The following SLC4A1 variants were observed in gnomAD, a reference collection of about 807,000 sequenced individuals.
SLC4A1 encodes solute carrier family 4 member 1 (Diego blood group), also known as band 3 anion transport protein.
A neutral mutation model predicts 93.1 loss-of-function variants in SLC4A1; 29 were observed. The ratio of observed to expected loss-of-function variants is 0.31; its 90% CI spans 0.23 to 0.42. The LOEUF is 0.42. Among genes scored for constraint, SLC4A1 ranks in the 20% least tolerant of loss-of-function variants. SLC4A1 has a pLI of 1.00. For missense variants in SLC4A1, 965 were observed against 1,190.1 expected (o/e 0.81, Z 2.78); for synonymous variants, 469 against 497.2 (o/e 0.94, Z 0.76).
intron 3 of SLC4A1, chr17:44,261,955 T>C: frequency 8.2e-7 from 1 of 1,217,302 alleles, no homozygotes; most frequent in Non-Finnish European, 1.1e-6. Flanking sequence ...TGAGTGGCAA[T>C]TTTCAGGATC....
At chr17:44,254,466 CCCAGG>C in intron 16 of SLC4A1, 25 bp downstream of exon 16, 27 of 916,368 alleles carry the variant, frequency 2.9e-5, no homozygotes, top group Non-Finnish European at 3.8e-5. Context: ...CTCCCACCCT[CCCAGG>C]CCCAGCCCCC....
chr17:44,254,447 G>C, intron 16 of SLC4A1, 49 bp downstream of exon 16: 2 of 1,550,966 alleles, frequency 1.3e-6, no homozygotes, highest in South Asian at 2.3e-5. Context: ...GCCAGGGAAA[G>C]GTCCCTGCCT....
intron 15 of SLC4A1, 84 bp from the exon 16 acceptor site, chr17:44,254,746 T>A: frequency 7.3e-7 from 1 of 1,360,844 alleles, no homozygotes; most frequent in Non-Finnish European, 1.0e-6. Flanking sequence ...GTCCTAGGGG[T>A]CGGGCAGTTA....
Position 44,257,656 on chromosome 17 carries a change from T to C in SLC4A1, c.1431+3A>G. On this transcript the variant is annotated splice_donor_region_variant and intron_variant, in intron 12 of 19. Transcript: ENST00000262418. ...AGGGTCAGTGGGGCAAGGACAGAAC[T>C]ACCGAGAAGAAGGCTTCCTCAAACA... 5 of 1,613,510 alleles carry C rather than the reference T, an allele frequency of 3.1e-6. No individual in the cohort carries two copies. The highest frequency in any genetic ancestry group is 4.2e-6 in the Non-Finnish European group (5 of 1,179,882).
rs376589349 is a variant in SLC4A1 at position 44,260,823 on chromosome 17, C to G, written c.169-8G>C. The stretch of plus-strand genomic sequence containing the variant: ...CTGCAGCTCCACATAGACCTGTGGC[C>G]CCATGCGCCTGAGTTAGTTCATCAG... On this transcript the variant is annotated splice_region_variant and splice_polypyrimidine_tract_variant and intron_variant, in intron 4 of 19. Transcript: ENST00000262418. 30 of 1,610,248 alleles carry G rather than the reference C, an allele frequency of 1.9e-5. No individual in the cohort carries two copies. Among genetic ancestry groups the G allele is most frequent in the Non-Finnish European group, 2.5e-5 (29 of 1,180,004 alleles).
In SLC4A1 at chr17:44,258,170, C is replaced by G. The variant is rs1301870721; in HGVS notation, c.1098G>C (p.Gly366=). 6.2e-7 allele frequency: 1 copy of G among 1,613,898 alleles called. No homozygotes were observed. Among genetic ancestry groups the G allele is most frequent in the Admixed American group, 1.7e-5 (1 of 60,000 alleles). Residue 366 remains glycine, a synonymous_variant, in exon 11 of 20, where the codon GGG becomes GGC. Coordinates refer to ENST00000262418, the MANE Select transcript of SLC4A1 (RefSeq NM_000342.4). The surrounding 1 kb of genome is among the most constrained non-coding windows in gnomAD (Gnocchi z 6.1). ...SSFYKGLDLN[G]GPDDPLQQTG... ...TCTGCTGCAGAGGGTCATCTGGGCC[C>G]CCATTTAAGTCTGTGGTGGAGGATA...
rs112819888 is a variant in SLC4A1 at position 44,254,176 on chromosome 17, A to G, written c.2057+320T>C. Among the ~76,000 whole-genome samples, 4 of 151,876 alleles carry G rather than the reference A, an allele frequency of 2.6e-5. 1 individual carries two copies. Among genetic ancestry groups the G allele is most frequent in the African/African-American group, 9.7e-5 (4 of 41,394 alleles). ...TTTTTAGTAGAAACAGGGCTTCACC[A>G]TGTTAGCCAAGCTGGTCTCGAACTC... On this transcript the variant is annotated intron_variant, in intron 16 of 19. Transcript: ENST00000262418.
At position 44,255,315 on chromosome 17, in the gene SLC4A1, A is replaced by G. The variant is rs1413344160; in HGVS notation, c.1801-19T>C. 2 of 1,543,542 alleles carry G rather than the reference A, an allele frequency of 1.3e-6. No individual in the cohort carries two copies. Among genetic ancestry groups the G allele is most frequent in the Admixed American group, 3.9e-5 (2 of 50,958 alleles). On this transcript the variant is annotated intron_variant, in intron 14 of 19. Coordinates refer to ENST00000262418, the MANE Select transcript of SLC4A1 (RefSeq NM_000342.4). ...GACGCAGCTGGGGGCAGGTGAAAGGACCAGTGGTCAGTGCCCAGTCACTCC... is the reference window on the plus strand; with the variant it reads ...GACGCAGCTGGGGGCAGGTGAAAGGGCCAGTGGTCAGTGCCCAGTCACTCC...
intron 16 of SLC4A1, among the ~76,000 whole-genome samples, 186 bp from the exon 17 acceptor site, chr17:44,253,557 T>C (rs2047361998): frequency 1.3e-5 from 2 of 149,278 alleles, no homozygotes; most frequent in Admixed American, 1.3e-4. Flanking sequence ...CAGAAATGTC[T>C]TCACAACATT....
chr17:44,262,578 C>T lies in SLC4A1; in HGVS notation c.106+58G>A, dbSNP rs56016920. On this transcript the variant is annotated intron_variant, in intron 3 of 19. Coordinates refer to ENST00000262418, the MANE Select transcript of SLC4A1 (RefSeq NM_000342.4). ...AGAAGGGGAGAGGACAAGTGCCCCTCCTGTCCCTGTCTAGGGCTCAGCAGC... is the reference window on the plus strand; with the variant it reads ...AGAAGGGGAGAGGACAAGTGCCCCTTCTGTCCCTGTCTAGGGCTCAGCAGC... The T allele has an allele frequency of 5.3e-6, 7 of 1,331,146 alleles. No homozygotes were observed. The African/African-American group carries it at 7.3e-5, about 14-fold the overall frequency. 82.5% of individuals were successfully genotyped at this position (1,331,146 alleles called of 1,614,324 possible).
At chr17:44,262,530 G>T in intron 3 of SLC4A1, 106 bp downstream of exon 3, 1 of 800,478 alleles carries the variant, frequency 1.2e-6, no homozygotes, top group Non-Finnish European at 2.1e-6. Context: ...AACGGCCCGT[G>T]GTGCTTGGGA....
chr17:44,266,244 T>C (rs2047495256), intron 1 of SLC4A1, among the ~76,000 whole-genome samples: 1 of 152,154 alleles, frequency 6.6e-6, no homozygotes, highest in Non-Finnish European at 1.5e-5. Context: ...TTTTTCCTCC[T>C]CCCTCTCTGC....
Position 44,259,142 on chromosome 17 carries a change from C to T in SLC4A1, c.876+21G>A, listed in dbSNP as rs764322282. The T allele has an allele frequency of 7.4e-6, 12 of 1,613,148 alleles. No homozygotes were observed. The East Asian group carries it at 2.5e-4, about 33-fold the overall frequency. On this transcript the variant is annotated intron_variant, in intron 9 of 19. Coordinates refer to ENST00000262418, the MANE Select transcript of SLC4A1 (RefSeq NM_000342.4). ...CAGGTCCCAAGCTTCCCCAGCCCAG[C>T]CCTCTCCGGCCCTTCCTTACCCTCT...
At chr17:44,259,782 C>T (rs761286485) in intron 7 of SLC4A1, 27 bp downstream of exon 7, 1 of 1,613,806 alleles carries the variant, frequency 6.2e-7, no homozygotes, top group Non-Finnish European at 8.5e-7. Flanking sequence ...CACCCTGACC[C>T]TGACCCTGAC....
In SLC4A1 at chr17:44,250,359, A is replaced by C; in HGVS notation, c.*99T>G. The C allele has an allele frequency of 1.0e-6, 1 of 982,446 alleles. No homozygotes were observed. Among genetic ancestry groups the C allele is most frequent in the Non-Finnish European group, 1.6e-6 (1 of 617,198 alleles). 60.9% of individuals were successfully genotyped at this position (982,446 alleles called of 1,614,324 possible). On this transcript the variant is annotated 3_prime_UTR_variant, in exon 20 of 20. Coordinates refer to ENST00000262418, the MANE Select transcript of SLC4A1 (RefSeq NM_000342.4). ...CTGGGGCCTCAGCTGCTGCTCCAGGAGGATCCTGGAGTCCATGAGGTGCCC... is the reference window on the plus strand; with the variant it reads ...CTGGGGCCTCAGCTGCTGCTCCAGGCGGATCCTGGAGTCCATGAGGTGCCC...
chr17:44,251,617 AGGTTGCCCGAGGCCTGGCACCAGTGGG>A, intron 17 of SLC4A1, 29 bp from the exon 18 acceptor site: 1 of 1,611,142 alleles, frequency 6.2e-7, no homozygotes, highest in South Asian at 1.1e-5. Flanking sequence ...CTCTCAGCCC[AGGTTGCCCGAGGCCTGGCACCAGTGGG>A]GGGTCAGGCC....
intron 11 of SLC4A1, 42 bp from the exon 12 acceptor site, chr17:44,257,849 T>C (rs2047403922): frequency 8.7e-6 from 14 of 1,612,444 alleles, no homozygotes; most frequent in Non-Finnish European, 1.2e-5. Context: ...CAGGAGATCA[T>C]TTCCAGGAGC....
intron 1 of SLC4A1, among the ~76,000 whole-genome samples, chr17:44,265,527 G>A (rs889105565): frequency 6.6e-6 from 1 of 151,656 alleles, no homozygotes; most frequent in Admixed American, 6.6e-5. Context: ...CCGCCACCAC[G>A]CCCAGCTAAT....
At chr17:44,255,373 C>A in intron 14 of SLC4A1, 77 bp from the exon 15 acceptor site, 1 of 1,083,532 alleles carries the variant, frequency 9.2e-7, no homozygotes, top group Non-Finnish European at 1.4e-6. Context: ...CCTATATTCA[C>A]CCACGGGGCC....
Sources: allele counts gnomAD v4.1 joint callset (sites outside exome capture counted in the v4.1 genomes callset), GRCh38; gene constraint gnomAD v4.1.1; non-coding constraint Gnocchi (gnomAD v3.1); transcripts MANE v1.5; gene names NCBI Gene and HGNC (gene_info 2026-07-23, HGNC 2026-07-21).